Variants in RREB1 observed in about 807,000 individuals in gnomAD.
RREB1 encodes ras-responsive element-binding protein 1.
Under a neutral mutation model 117.8 loss-of-function variants are expected in RREB1, and 27 were observed. That is an observed-to-expected ratio of 0.23 (90% CI 0.17 to 0.32). RREB1 has a LOEUF of 0.32. Among genes scored for constraint, RREB1 ranks in the 10% least tolerant of loss-of-function variants. RREB1 has a pLI of 1.00. For missense variants in RREB1, 2,577 were observed against 2,378.2 expected (o/e 1.08, Z -1.74); for synonymous variants, 1,298 against 1,026.7 (o/e 1.26, Z -5.05).
chr6:7,221,756 C>T (rs1310314632), intron 8 of RREB1, among the ~76,000 whole-genome samples: 1 of 152,166 alleles, frequency 6.6e-6, no homozygotes, highest in African/African-American at 2.4e-5. Context: ...AGAAAGAACA[C>T]TTTTCTCCCC....
At chr6:7,111,326 G>A (rs1761135425) in intron 1 of RREB1, among the ~76,000 whole-genome samples, 1 of 152,098 alleles carries the variant, frequency 6.6e-6, no homozygotes, top group Non-Finnish European at 1.5e-5. Context: ...TTCAGCTAAG[G>A]AAATGTCCTA....
At chr6:7,163,974 C>T (rs572978225) in intron 1 of RREB1, among the ~76,000 whole-genome samples, 9 of 152,264 alleles carry the variant, frequency 5.9e-5, no homozygotes, top group African/African-American at 2.2e-4. Context: ...TGGGGTTGAG[C>T]CAGTCAGCTG....
intron 6 of RREB1, among the ~76,000 whole-genome samples, chr6:7,192,271 C>A (rs1377055539): frequency 6.6e-6 from 1 of 151,874 alleles, no homozygotes; most frequent in Non-Finnish European, 1.5e-5. Flanking sequence ...CGGCTCACGG[C>A]AACCTGCGCC....
intron 1 of RREB1, among the ~76,000 whole-genome samples, chr6:7,141,824 C>T (rs1762607688): frequency 6.6e-6 from 1 of 152,194 alleles, no homozygotes; most frequent in South Asian, 2.1e-4. Context: ...GAACGGGCAG[C>T]CGGGTGGCCG....
intron 4 of RREB1, among the ~76,000 whole-genome samples, chr6:7,185,523 T>A (rs931543228): frequency 6.6e-6 from 1 of 151,780 alleles, no homozygotes; most frequent in Non-Finnish European, 1.5e-5. Context: ...TGAGCCAAGA[T>A]CGTGCCACTG....
intron 6 of RREB1, among the ~76,000 whole-genome samples, chr6:7,195,598 G>C (rs1266643480): frequency 6.6e-6 from 1 of 152,208 alleles, no homozygotes; most frequent in African/African-American, 2.4e-5. Context: ...GAAATCAGTC[G>C]ATCTGTGAGA....
chr6:7,141,220 C>A (rs1374541064), intron 1 of RREB1, among the ~76,000 whole-genome samples: 2 of 151,552 alleles, frequency 1.3e-5, no homozygotes, highest in African/African-American at 4.8e-5. Context: ...GATTGGCTGG[C>A]GGGCTGGCGG....
chr6:7,132,203 C>T (rs1762184086), intron 1 of RREB1, among the ~76,000 whole-genome samples: 3 of 152,046 alleles, frequency 2.0e-5, no homozygotes, highest in Admixed American at 2.0e-4. Flanking sequence ...TACAGGCATG[C>T]GCCACCATGC....
At chr6:7,150,420 G>A (rs1390177802) in intron 1 of RREB1, among the ~76,000 whole-genome samples, 13 of 152,086 alleles carry the variant, frequency 8.5e-5, no homozygotes, top group Admixed American at 8.5e-4. Flanking sequence ...TGTGTTTTGG[G>A]TTTTTTCTCC....
chr6:7,127,735 G>A (rs1045462883), intron 1 of RREB1, among the ~76,000 whole-genome samples: 7 of 152,172 alleles, frequency 4.6e-5, no homozygotes, highest in African/African-American at 1.7e-4. Flanking sequence ...GGCTTTAGGG[G>A]CTGGCAGCGT....
intron 1 of RREB1, among the ~76,000 whole-genome samples, chr6:7,174,964 T>C (rs1764426251): frequency 6.6e-6 from 1 of 152,148 alleles, no homozygotes; most frequent in Non-Finnish European, 1.5e-5. Flanking sequence ...TTGAAGTGTG[T>C]TTTTATTAAT....
intron 1 of RREB1, among the ~76,000 whole-genome samples, chr6:7,152,491 C>G (rs1411117736): frequency 2.0e-5 from 3 of 152,282 alleles, no homozygotes; most frequent in South Asian, 4.1e-4. Flanking sequence ...GAAATTCAGC[C>G]TTTAGCATTG....
At chr6:7,114,259 C>T (rs1430356496) in intron 1 of RREB1, among the ~76,000 whole-genome samples, 1 of 152,112 alleles carries the variant, frequency 6.6e-6, no homozygotes, top group African/African-American at 2.4e-5. Context: ...GCAGGTGGGA[C>T]TACAGGCACA....
chr6:7,233,571 G>A (rs921906342), intron 10 of RREB1, among the ~76,000 whole-genome samples: 7 of 152,096 alleles, frequency 4.6e-5, no homozygotes, highest in South Asian at 4.2e-4. Flanking sequence ...TGTAGTTCTT[G>A]GGATTTACTA....
At chr6:7,172,492 C>T (rs1764262629) in intron 1 of RREB1, among the ~76,000 whole-genome samples, 1 of 151,648 alleles carries the variant, frequency 6.6e-6, no homozygotes, top group Admixed American at 6.6e-5. Context: ...AAGTGATCCT[C>T]CTGCCTCTCC....
Position 7,210,698 on chromosome 6 carries a change from TAACTA to T in RREB1, c.426-103_426-99del, listed in dbSNP as rs376521700. 2.6e-5 allele frequency: 25 copies of T among 964,476 alleles called. No homozygotes were observed. In the African/African-American group the frequency reaches 3.3e-4, roughly 13 times the overall value. The allele number at this position is 964,476 out of a possible 1,614,324, so 59.7% of individuals were successfully genotyped here. ...TGTATAAATTATACCTCATATCTCTTAACTAAAGAAAATTTAAGTACCAGTGCCTA... is the reference window on the plus strand; with the variant it reads ...TGTATAAATTATACCTCATATCTCTTAAGAAAATTTAAGTACCAGTGCCTA... On this transcript the variant is annotated intron_variant, in intron 6 of 12. Coordinates refer to ENST00000379938, the MANE Select transcript of RREB1 (RefSeq NM_001003699.4).
intron 8 of RREB1, chr6:7,212,972 C>G (rs1285597196): frequency 6.6e-6 from 1 of 152,128 alleles, no homozygotes; most frequent in Non-Finnish European, 1.5e-5. Context: ...CTTTACGGAA[C>G]TCCCCAGTCT....
At chr6:7,142,280 C>T (rs1762636799) in intron 1 of RREB1, among the ~76,000 whole-genome samples, 1 of 152,182 alleles carries the variant, frequency 6.6e-6, no homozygotes, top group African/African-American at 2.4e-5. Context: ...AAAACCCAGC[C>T]AGTTCTCGTG....
At chr6:7,244,175 A>AT (rs1768876839) in intron 11 of RREB1, among the ~76,000 whole-genome samples, 1 of 151,974 alleles carries the variant, frequency 6.6e-6, no homozygotes, top group Non-Finnish European at 1.5e-5. Flanking sequence ...AGACAGGAGA[A>AT]TCGCCTGAAC....
Sources: allele counts gnomAD v4.1 joint callset (sites outside exome capture counted in the v4.1 genomes callset), GRCh38; gene constraint gnomAD v4.1.1; transcripts MANE v1.5; gene names NCBI Gene and HGNC (gene_info 2026-07-23, HGNC 2026-07-21).